LGR4: variants seen among roughly 807,000 people sequenced by gnomAD.
LGR4 encodes the protein leucine rich repeat containing G protein-coupled receptor 4, also known as leucine-rich repeat-containing G protein-coupled receptor 4.
In LGR4, 44 loss-of-function variants were observed where a neutral mutation model predicts 84.8. The ratio of observed to expected loss-of-function variants is 0.52; its 90% CI spans 0.41 to 0.67. The LOEUF (loss-of-function observed/expected upper bound fraction) is 0.67. Ranked by LOEUF, LGR4 falls within the 30% of genes least tolerant of loss-of-function variation. The pLI, the probability that LGR4 is intolerant of heterozygous loss-of-function variation, is 0.00. For missense variants in LGR4, 1,032 were observed against 1,131.4 expected (o/e 0.91, Z 1.26); for synonymous variants, 429 against 434.3 (o/e 0.99, Z 0.15).
chr11:27,383,829 A>T (rs1863141728), intron 6 of LGR4, among the ~76,000 whole-genome samples: 1 of 152,212 alleles, frequency 6.6e-6, no homozygotes, highest in Non-Finnish European at 1.5e-5. Flanking sequence ...ATAGTGGTGC[A>T]ATGTACAGTT....
At chr11:27,472,020 C>A (rs553204271) in intron 1 of LGR4, 98 bp downstream of exon 1, 23,439 of 870,794 alleles carry the variant, frequency 0.027, 401 homozygotes, top group Non-Finnish European at 0.03. Flanking sequence ...GGCGGCGGGG[C>A]GGGGTGGGGT....
intron 1 of LGR4, among the ~76,000 whole-genome samples, chr11:27,425,338 G>GTTT (rs59946931): frequency 2.9e-5 from 4 of 136,796 alleles, no homozygotes; most frequent in Non-Finnish European, 6.2e-5. Context: ...TTTTTTTTTT[G>GTTT]TTTTTTTTTT....
Position 27,437,660 on chromosome 11 carries a change from AGTGTGT to A in LGR4, c.186-24806_186-24801del, listed in dbSNP as rs10659033. The stretch of plus-strand genomic sequence containing the variant: ...TTACTTGAATCTCTTTTAAAGGACT[AGTGTGT>A]GTGTGTGTGTGTGTGTGTGTGTGTG... On this transcript the variant is annotated intron_variant, in intron 1 of 17. Transcript: ENST00000379214. Among the ~76,000 whole-genome samples the A allele has an allele frequency of 4.4e-4, 62 of 140,140 alleles. 1 individual carries two copies. The highest frequency in any genetic ancestry group is 3.7e-3 in the Middle Eastern group (1 of 272). 91.9% of individuals were successfully genotyped at this position (140,140 alleles called of 152,430 possible).
intron 1 of LGR4, among the ~76,000 whole-genome samples, chr11:27,463,524 A>T (rs1433299640): frequency 6.6e-6 from 1 of 152,114 alleles, no homozygotes; most frequent in African/African-American, 2.4e-5. Flanking sequence ...GGTGGCTCAC[A>T]CCTGTAATCC....
Position 27,472,614 on chromosome 11 carries a change from C to G in LGR4, c.-312G>C, listed in dbSNP as rs1313283361. On this transcript the variant is annotated 5_prime_UTR_variant, in exon 1 of 18. Transcript: ENST00000379214. ...TCTGCCATCGCACCGGTCTCCCTGT[C>G]CCTGGCCTCTCAATGCAGCGGCTCT... 1 of 366,724 alleles carries G rather than the reference C, an allele frequency of 2.7e-6. No homozygotes were observed. Among genetic ancestry groups the G allele is most frequent in the Non-Finnish European group, 4.9e-6 (1 of 205,396 alleles). The allele number at this position is 366,724 out of a possible 1,614,324, so 22.7% of individuals were successfully genotyped here.
At chr11:27,432,731 C>A (rs1864135551) in intron 1 of LGR4, among the ~76,000 whole-genome samples, 1 of 152,194 alleles carries the variant, frequency 6.6e-6, no homozygotes, top group African/African-American at 2.4e-5. Flanking sequence ...TCTCCACCCA[C>A]TGGAAGAAAT....
chr11:27,434,579 G>T (rs1227748142), intron 1 of LGR4, among the ~76,000 whole-genome samples: 3 of 152,160 alleles, frequency 2.0e-5, no homozygotes, highest in Non-Finnish European at 2.9e-5. Flanking sequence ...GTCTTGAGCT[G>T]TTCAGTAAGA....
intron 2 of LGR4, among the ~76,000 whole-genome samples, chr11:27,408,892 G>A (rs1243104643): frequency 1.3e-5 from 2 of 152,062 alleles, no homozygotes; most frequent in Non-Finnish European, 2.9e-5. Flanking sequence ...AAGTTCCATT[G>A]TAAAGAATAG....
At chr11:27,409,261 C>G (rs1003516197) in intron 2 of LGR4, among the ~76,000 whole-genome samples, 1 of 151,976 alleles carries the variant, frequency 6.6e-6, no homozygotes, top group Non-Finnish European at 1.5e-5. Context: ...GCACATCACT[C>G]ACAGTGTTCC....
chr11:27,399,683 C>G (rs1863461347), intron 2 of LGR4, among the ~76,000 whole-genome samples: 1 of 151,962 alleles, frequency 6.6e-6, no homozygotes, highest in Admixed American at 6.6e-5. Flanking sequence ...CCATGCCCAG[C>G]TAATTTTTGT....
intron 1 of LGR4, among the ~76,000 whole-genome samples, chr11:27,414,701 T>C (rs1342452530): frequency 2.0e-5 from 3 of 152,070 alleles, no homozygotes; most frequent in Admixed American, 6.6e-5. Flanking sequence ...CGAGGAAATG[T>C]TTTGTTTTTC....
intron 1 of LGR4, among the ~76,000 whole-genome samples, chr11:27,442,804 C>T (rs1265917389): frequency 6.6e-6 from 1 of 152,098 alleles, no homozygotes; most frequent in Non-Finnish European, 1.5e-5. Context: ...TTAAATTATC[C>T]CTGAAAACTG....
intron 1 of LGR4, among the ~76,000 whole-genome samples, chr11:27,440,669 T>A (rs549554919): frequency 7.9e-5 from 12 of 152,276 alleles, no homozygotes; most frequent in African/African-American, 2.4e-4. Context: ...ACCCGGAGGC[T>A]TCTCTTTATT....
At chr11:27,409,650 C>T (rs535588016) in intron 2 of LGR4, among the ~76,000 whole-genome samples, 10 of 152,100 alleles carry the variant, frequency 6.6e-5, no homozygotes, top group Non-Finnish European at 1.2e-4. Context: ...CATTATCTGG[C>T]CTCGTCTCCT....
intron 2 of LGR4, among the ~76,000 whole-genome samples, chr11:27,412,455 A>G (rs760372186): frequency 3.9e-5 from 6 of 152,150 alleles, no homozygotes; most frequent in Non-Finnish European, 8.8e-5. Context: ...CTTGGTAACA[A>G]TGGTAATTAT....
At chr11:27,377,609 A>AG (rs1305457989) in intron 11 of LGR4, among the ~76,000 whole-genome samples, 5 of 152,054 alleles carry the variant, frequency 3.3e-5, no homozygotes, top group Non-Finnish European at 7.4e-5. Context: ...CGGTTTAAAA[A>AG]TTTGTATTTT....
intron 13 of LGR4, among the ~76,000 whole-genome samples, chr11:27,375,121 CAAA>C (rs539252061): frequency 1.6e-5 from 2 of 123,826 alleles, no homozygotes; most frequent in African/African-American, 3.0e-5. Context: ...CCATCTCTAC[CAAA>C]AAAAAAAAAA....
chr11:27,368,511 A>G lies in LGR4; in HGVS notation c.2212T>C (p.Ser738Pro), dbSNP rs1386892600. The change falls in exon 18 of 18, where the codon TCA (serine) becomes CCA (proline). Residue 738 changes from serine to proline, a missense_variant. Ser to Pro is a moderately conservative substitution (Grantham distance 74, BLOSUM62 -1). Coordinates refer to ENST00000379214, the MANE Select transcript of LGR4 (RefSeq NM_018490.5). ...LYCNLEKEDL[S>P]ENSQSSMIKH... is the part of the protein sequence containing the mutation. ...ATCATGCTAGATTGTGAGTTTTCTG[A>G]GAGGTCCTCTTTTTCCAAGTTGCAG... 1.2e-6 allele frequency: 2 copies of G among 1,614,072 alleles called. No homozygotes were observed. The highest frequency in any genetic ancestry group is 1.7e-6 in the Non-Finnish European group (2 of 1,180,008).
chr11:27,466,040 G>A (rs139446260), intron 1 of LGR4, among the ~76,000 whole-genome samples: 2 of 152,250 alleles, frequency 1.3e-5, no homozygotes, highest in African/African-American at 2.4e-5. Context: ...AAGGCCGCAC[G>A]GGACGGTTAA....
Sources: gnomAD v4.1 joint callset for allele counts (sites outside exome capture counted in the v4.1 genomes callset) on GRCh38, gnomAD v4.1.1 for gene constraint, MANE v1.5 for transcripts, NCBI Gene and HGNC (gene_info 2026-07-23, HGNC 2026-07-21) for gene names.